SGPL1: variants seen among roughly 807,000 people sequenced by gnomAD.
The protein encoded by SGPL1 is sphingosine-1-phosphate lyase 1, also known as SP-lyase 1.
Under a neutral mutation model 68.9 loss-of-function variants are expected in SGPL1, and 37 were observed. The ratio of observed to expected loss-of-function variants is 0.54; its 90% CI spans 0.41 to 0.71. The LOEUF is 0.71. SGPL1 is among the 30% of genes least tolerant of loss of function. The probability of loss-of-function intolerance (pLI) is 0.00; values close to 1 mark genes in which losing one functional copy is unlikely to be tolerated. For missense variants in SGPL1, 551 were observed against 704.6 expected (o/e 0.78, Z 2.47); for synonymous variants, 236 against 248.5 (o/e 0.95, Z 0.47).
At chr10:70,834,269 C>T (rs1004073527) in intron 2 of SGPL1, among the ~76,000 whole-genome samples, 1 of 152,152 alleles carries the variant, frequency 6.6e-6, no homozygotes, top group Non-Finnish European at 1.5e-5. Flanking sequence ...GAAGATGATT[C>T]GTTCCAGGAA....
At chr10:70,816,789 C>G in intron 1 of SGPL1, 22 bp from the exon 2 acceptor site, 1 of 1,552,664 alleles carries the variant, frequency 6.4e-7, no homozygotes, top group Non-Finnish European at 8.9e-7. Context: ...TAGAAGTAAA[C>G]AAACCTGGTT....
At chr10:70,843,019 T>C (rs1845739812) in intron 2 of SGPL1, among the ~76,000 whole-genome samples, 2 of 152,248 alleles carry the variant, frequency 1.3e-5, no homozygotes, top group East Asian at 1.9e-4. Flanking sequence ...ATATGCAGAC[T>C]CTTTTTATGC....
intron 14 of SGPL1, among the ~76,000 whole-genome samples, chr10:70,876,885 G>T (rs1373848874): frequency 1.3e-5 from 2 of 152,168 alleles, no homozygotes; most frequent in Non-Finnish European, 1.5e-5. Context: ...AGAGACTTCT[G>T]TATAAAAGCA....
At chr10:70,820,866 T>G (rs1215234245) in intron 2 of SGPL1, among the ~76,000 whole-genome samples, 1 of 152,254 alleles carries the variant, frequency 6.6e-6, no homozygotes, top group Admixed American at 6.5e-5. Flanking sequence ...CATAGTGTTA[T>G]AATCTTTAAA....
At chr10:70,830,500 G>A (rs752821056) in intron 2 of SGPL1, among the ~76,000 whole-genome samples, 1 of 152,148 alleles carries the variant, frequency 6.6e-6, no homozygotes, top group African/African-American at 2.4e-5. Flanking sequence ...GATCAGAACT[G>A]CACTCCTTTT....
intron 2 of SGPL1, among the ~76,000 whole-genome samples, chr10:70,835,336 T>C (rs1221127751): frequency 6.6e-6 from 1 of 152,026 alleles, no homozygotes; most frequent in African/African-American, 2.4e-5. Flanking sequence ...AATTCTTTCC[T>C]TCTAGGACAA....
chr10:70,869,709 C>A, intron 8 of SGPL1, 83 bp from the exon 9 acceptor site: 2 of 988,158 alleles, frequency 2.0e-6, no homozygotes, highest in Admixed American at 2.3e-5. Context: ...AGAACTTACT[C>A]CCGGTAATTT....
chr10:70,851,448 A>G, intron 4 of SGPL1, among the ~76,000 whole-genome samples: 1 of 151,968 alleles, frequency 6.6e-6, no homozygotes, highest in East Asian at 2.0e-4. Context: ...TACAGTGTAC[A>G]GGGCAGCCCC....
rs1479485344 is a variant in SGPL1, at chr10:70,878,775, C to T, written c.*1440C>T. On this transcript the variant is annotated 3_prime_UTR_variant, in exon 15 of 15. Coordinates refer to ENST00000373202, the MANE Select transcript of SGPL1 (RefSeq NM_003901.4). ...GCCTCTTCCCCCTTGATTCAGCTTT[C>T]AGAGGTACTATGGCAGTTTTGCCTC... The T allele has an allele frequency of 6.6e-6, 1 of 152,234 alleles. No homozygotes were observed. The highest frequency in any genetic ancestry group is 1.5e-5 in the Non-Finnish European group (1 of 68,068). The allele number at this position is 152,234 out of a possible 1,614,324, so 9.4% of individuals were successfully genotyped here.
intron 3 of SGPL1, among the ~76,000 whole-genome samples, chr10:70,845,084 C>T (rs1351732769): frequency 1.3e-5 from 2 of 152,054 alleles, no homozygotes; most frequent in Non-Finnish European, 2.9e-5. Flanking sequence ...TAAAGCAGTA[C>T]TTTGTCTTCT....
intron 2 of SGPL1, among the ~76,000 whole-genome samples, chr10:70,825,645 GGCCTTTAAAAGTACT>G (rs905074459): frequency 6.6e-6 from 1 of 152,102 alleles, no homozygotes; most frequent in African/African-American, 2.4e-5. Flanking sequence ...TTGCCTGGAG[GGCCTTTAAAAGTACT>G]GCAGTCCAGC....
At chr10:70,865,958 C>T (rs1223732656) in intron 7 of SGPL1, among the ~76,000 whole-genome samples, 1 of 152,202 alleles carries the variant, frequency 6.6e-6, no homozygotes, top group Non-Finnish European at 1.5e-5. Context: ...AGTTGAATGA[C>T]ATAACAAATA....
chr10:70,863,052 T>C (rs1846105823), intron 7 of SGPL1, among the ~76,000 whole-genome samples: 1 of 152,190 alleles, frequency 6.6e-6, no homozygotes, highest in Non-Finnish European at 1.5e-5. Context: ...TGGTGCCATC[T>C]CAGCTCACTG....
chr10:70,831,402 C>G (rs1564618869), intron 2 of SGPL1, among the ~76,000 whole-genome samples: 1 of 152,196 alleles, frequency 6.6e-6, no homozygotes, highest in Non-Finnish European at 1.5e-5. Flanking sequence ...CTGTCTCCCC[C>G]AACCCCAACC....
chr10:70,854,649 T>C, intron 4 of SGPL1, 59 bp from the exon 5 acceptor site: 1 of 1,474,924 alleles, frequency 6.8e-7, no homozygotes, highest in Non-Finnish European at 9.2e-7. Context: ...GTCATAATAA[T>C]TCTGCTGTCT....
At chr10:70,851,833 T>G (rs1327419164) in intron 4 of SGPL1, among the ~76,000 whole-genome samples, 2 of 152,216 alleles carry the variant, frequency 1.3e-5, no homozygotes, top group East Asian at 1.9e-4. Flanking sequence ...CTGGCTATAT[T>G]CCAGTGAAAC....
chr10:70,845,625 C>G (rs915846548), intron 3 of SGPL1, among the ~76,000 whole-genome samples: 4 of 129,164 alleles, frequency 3.1e-5, no homozygotes, highest in African/African-American at 1.0e-4. Context: ...TGCCCACCCA[C>G]CTTTTTCCCG....
chr10:70,868,244 A>G lies in SGPL1; in HGVS notation c.616-101A>G, dbSNP rs1286411002. 11 of 879,114 alleles carry G rather than the reference A, an allele frequency of 1.3e-5. No individual in the cohort carries two copies. The Admixed American group carries it at 2.5e-4, about 20-fold the overall frequency. 54.5% of individuals were successfully genotyped at this position (879,114 alleles called of 1,614,324 possible). A position where few individuals can be genotyped will look rare whatever the true frequency, so the allele number is the denominator to read the frequency against. On this transcript the variant is annotated intron_variant, in intron 7 of 14. Coordinates refer to ENST00000373202, the MANE Select transcript of SGPL1 (RefSeq NM_003901.4). ...GTGTCTGCCTTGCAGCATGCATCCAAGACCTTATCTGTTTCTGTATCAAAC... is the reference window on the plus strand; with the variant it reads ...GTGTCTGCCTTGCAGCATGCATCCAGGACCTTATCTGTTTCTGTATCAAAC...
At chr10:70,845,756 C>T (rs1272660021) in intron 3 of SGPL1, among the ~76,000 whole-genome samples, 1 of 152,068 alleles carries the variant, frequency 6.6e-6, no homozygotes, top group Non-Finnish European at 1.5e-5. Context: ...TTCTATAACA[C>T]TCCCCTGCAC....
Sources: allele counts gnomAD v4.1 joint callset (sites outside exome capture counted in the v4.1 genomes callset), GRCh38; gene constraint gnomAD v4.1.1; transcripts MANE v1.5; gene names NCBI Gene and HGNC (gene_info 2026-07-23, HGNC 2026-07-21).